The following DEPDC4 variants were observed in gnomAD, a reference collection of about 807,000 sequenced individuals.
DEPDC4 encodes the protein DEP domain containing 4.
DEPDC4 carries 52 observed loss-of-function variants against 52.0 expected under a neutral mutation model. The observed-to-expected ratio is 1.00, with a 90% confidence interval of 0.80 to 1.26. DEPDC4 has a LOEUF of 1.26. Ranked by LOEUF, DEPDC4 falls within the 50% of genes most tolerant of loss-of-function variation. The pLI is 0.00. For synonymous variants in DEPDC4, 201 were observed against 196.8 expected, an observed-to-expected ratio of 1.02 and a Z score of -0.18; for missense variants, 530 against 546.9, an observed-to-expected ratio of 0.97 and a Z score of 0.31.
At chr12:100,243,179 T>C (rs1156479073) in intron 8 of DEPDC4, among the ~76,000 whole-genome samples, 1 of 152,166 alleles carries the variant, frequency 6.6e-6, no homozygotes, top group Non-Finnish European at 1.5e-5. Context: ...AATATCTTAT[T>C]GTACCATACT....
chr12:100,238,979 C>A (rs993762905), downstream of DEPDC4, among the ~76,000 whole-genome samples: 1 of 152,146 alleles, frequency 6.6e-6, no homozygotes, highest in African/African-American at 2.4e-5. Flanking sequence ...TAGAAAGATG[C>A]CATAAGCACA....
rs189842444 is a variant in DEPDC4 at position 100,232,612 on chromosome 12, G to A, written c.*699+5356C>T. Among the ~76,000 whole-genome samples the A allele has an allele frequency of 6.0e-4, 90 of 151,018 alleles. 2 individuals carry two copies. Among genetic ancestry groups the A allele is most frequent in the Admixed American group, 4.1e-3 (62 of 15,196 alleles). ...GAAACACTGGCCTAAGGCTGGGCACGGTGGCTCACGCCTGTAATCCCAGCA... is the reference window on the plus strand; with the variant it reads ...GAAACACTGGCCTAAGGCTGGGCACAGTGGCTCACGCCTGTAATCCCAGCA... On this transcript the variant is annotated intron_variant and NMD_transcript_variant, in intron 9 of 10. Coordinates refer to the DEPDC4 transcript ENST00000378244.
intron 4 of DEPDC4, among the ~76,000 whole-genome samples, chr12:100,254,857 G>A (rs2096225688): frequency 6.6e-6 from 1 of 152,112 alleles, no homozygotes; most frequent in Non-Finnish European, 1.5e-5. Context: ...GAGCAGCTGG[G>A]ACTATAGACA....
chr12:100,277,281 T>C, the DEPDC4 span, among the ~76,000 whole-genome samples: 2 of 152,240 alleles, frequency 1.3e-5, no homozygotes, highest in Non-Finnish European at 2.9e-5. Context: ...GGTTGTTTGA[T>C]AGTGCTGTTG....
At chr12:100,245,352 C>G (rs1451499479) in intron 8 of DEPDC4, among the ~76,000 whole-genome samples, 1 of 151,100 alleles carries the variant, frequency 6.6e-6, no homozygotes, top group East Asian at 2.0e-4. Context: ...ATGCAACCCC[C>G]ACCTCCCGGG....
Position 100,263,678 on chromosome 12 carries a change from G to A in DEPDC4, c.373C>T (p.Gln125Ter), listed in dbSNP as rs2096261927. Residue 125 changes from glutamine (Q) to a stop codon, truncating the protein, a stop_gained, in exon 2 of 10, where the codon CAA becomes TAA. Transcript: ENST00000550587. LOFTEE classifies it high-confidence loss of function. Reference protein sequence around the residue: ...ISCLKGVHLCQVLMNHKVFEP... With the variant: ...ISCLKGVHLC ...AATACTTTGTGATTCATTAGAACTTGGCAAAGATGAACCCCTTTAAGACAA... is the reference window on the plus strand; with the variant it reads ...AATACTTTGTGATTCATTAGAACTTAGCAAAGATGAACCCCTTTAAGACAA... 1.2e-6 allele frequency: 2 copies of A among 1,613,810 alleles called. No homozygotes were observed. The highest frequency in any genetic ancestry group is 1.1e-5 in the South Asian group (1 of 91,052).
chr12:100,273,334 C>G, the DEPDC4 span, among the ~76,000 whole-genome samples: 5 of 152,038 alleles, frequency 3.3e-5, no homozygotes, highest in Non-Finnish European at 7.4e-5. Context: ...CATTCTATTC[C>G]TCTTCTTTTT....
Position 100,266,848 on chromosome 12 carries a change from T to C in DEPDC4, c.157+72A>G, listed in dbSNP as rs2153927323. ...GGCCCTGGACCAATGAGGAGCAGAG[T>C]CCCAGCCGCCTGCTCCCTTCAGCTG... On this transcript the variant is annotated intron_variant, in intron 1 of 9. Transcript: ENST00000550587. 7.9e-6 allele frequency: 12 copies of C among 1,522,414 alleles called. No individual in the cohort carries two copies. The South Asian group carries it at 1.4e-4, about 17-fold the overall frequency. 94.3% of individuals were successfully genotyped at this position (1,522,414 alleles called of 1,614,324 possible).
the DEPDC4 span, among the ~76,000 whole-genome samples, chr12:100,279,076 T>G: frequency 2.4e-4 from 37 of 152,358 alleles, no homozygotes; most frequent in Non-Finnish European, 4.3e-4. Flanking sequence ...TGTGGTTTAT[T>G]TAATTTCTTG....
At chr12:100,267,100 G>A (rs1463494795), upstream of DEPDC4, 1 of 1,609,518 alleles carries the variant, frequency 6.2e-7, no homozygotes. Context: ...CTGACACCCG[G>A]GGCGGAGAGA....
intron 8 of DEPDC4, among the ~76,000 whole-genome samples, chr12:100,244,965 G>A (rs1407528468): frequency 1.3e-5 from 2 of 151,776 alleles, no homozygotes; most frequent in East Asian, 1.9e-4. Flanking sequence ...TCTGCCTCCC[G>A]GGTTCAAGCG....
intron 3 of DEPDC4, 31 bp downstream of exon 3, chr12:100,262,233 A>T: frequency 1.3e-6 from 2 of 1,592,990 alleles, no homozygotes; most frequent in South Asian, 2.3e-5. Context: ...CTTCCTTACC[A>T]TGTTCTGAAA....
downstream of DEPDC4, chr12:100,238,071 G>C: frequency 6.1e-6 from 6 of 983,298 alleles, no homozygotes; most frequent in Non-Finnish European, 7.2e-6. Context: ...ATCTCTTCAG[G>C]TACCCTCTCA....
chr12:100,245,936 CTTATT>C (rs775916550), intron 8 of DEPDC4, among the ~76,000 whole-genome samples: 20 of 151,822 alleles, frequency 1.3e-4, no homozygotes, highest in East Asian at 1.2e-3. Flanking sequence ...GCAGCAGTTT[CTTATT>C]TTATTTTATT....
chr12:100,248,446 C>T (rs977131947), intron 8 of DEPDC4, among the ~76,000 whole-genome samples: 3 of 152,016 alleles, frequency 2.0e-5, no homozygotes, highest in Admixed American at 1.3e-4. Flanking sequence ...GATCAATAGC[C>T]TAAAGACACT....
intron 3 of DEPDC4, 73 bp downstream of exon 3, chr12:100,262,191 G>T: frequency 6.8e-7 from 1 of 1,480,994 alleles, no homozygotes; most frequent in Non-Finnish European, 9.1e-7. Flanking sequence ...CCTTGAAACT[G>T]CTTATAAGAA....
upstream of DEPDC4, among the ~76,000 whole-genome samples, chr12:100,269,953 GT>G (rs1245022474): frequency 7.3e-5 from 11 of 151,224 alleles, no homozygotes; most frequent in African/African-American, 2.7e-4. Flanking sequence ...TGTTTTATGA[GT>G]TTGTTTTCAT....
the DEPDC4 span, among the ~76,000 whole-genome samples, chr12:100,278,907 C>T: frequency 1.4e-4 from 22 of 152,234 alleles, no homozygotes; most frequent in East Asian, 5.8e-4. Flanking sequence ...GGATTACAGG[C>T]GTGAGCCACC....
rs1026042622 is a variant in DEPDC4, at chr12:100,240,322, A to AT, written c.*1569dup. Among the ~76,000 whole-genome samples the AT allele has an allele frequency of 1.7e-4, 25 of 149,556 alleles. No individual in the cohort carries two copies. The highest frequency in any genetic ancestry group is 3.9e-4 in the East Asian group (2 of 5,084). ...GGTGTGGGCTGCCACACCTGGCTAA[A>AT]TTTTTTTTTTGTAGTTTTTGTAGAG... is the stretch of plus-strand genomic sequence containing the variant. On this transcript the variant is annotated 3_prime_UTR_variant, in exon 10 of 10. Transcript: ENST00000550587.
Sources: gnomAD v4.1 joint callset for allele counts (sites outside exome capture counted in the v4.1 genomes callset) on GRCh38, gnomAD v4.1.1 for gene constraint, MANE v1.5 for transcripts, NCBI Gene and HGNC (gene_info 2026-07-23, HGNC 2026-07-21) for gene names.